The following VAV2 variants were observed in gnomAD, a reference collection of about 807,000 sequenced individuals.
VAV2 encodes the protein vav guanine nucleotide exchange factor 2.
Under a neutral mutation model 132.5 loss-of-function variants are expected in VAV2, and 67 were observed. The observed-to-expected ratio is 0.51, with a 90% confidence interval of 0.42 to 0.62. The LOEUF (loss-of-function observed/expected upper bound fraction) is 0.62. Among genes scored for constraint, VAV2 ranks in the 20% least tolerant of loss-of-function variants. The pLI is 0.00. For synonymous variants in VAV2, 492 were observed against 443.5 expected (o/e 1.11, Z -1.37); for missense variants, 938 against 1,153.6 (o/e 0.81, Z 2.71).
chr9:133,791,946 TGGGTG>T, intron 12 of VAV2, 77 bp from the exon 13 acceptor site: 1 of 376,092 alleles, frequency 2.7e-6, no homozygotes, highest in Non-Finnish European at 3.7e-6. Flanking sequence ...CAGGCTGTAC[TGGGTG>T]GGGTGTGTGT....
intron 2 of VAV2, among the ~76,000 whole-genome samples, chr9:133,923,734 A>G (rs1319571767): frequency 6.6e-6 from 1 of 152,242 alleles, no homozygotes; most frequent in African/African-American, 2.4e-5. Flanking sequence ...AGGACTTGGA[A>G]CCAACCCAAA....
At chr9:133,927,855 C>A (rs1343549258) in intron 2 of VAV2, 1 of 152,220 alleles carries the variant, frequency 6.6e-6, no homozygotes, top group Admixed American at 6.5e-5. Context: ...GCTCCCAGAG[C>A]TTGAACTCAG....
intron 3 of VAV2, among the ~76,000 whole-genome samples, chr9:133,859,931 C>T (rs1037033604): frequency 3.3e-5 from 5 of 152,262 alleles, no homozygotes; most frequent in East Asian, 1.9e-4. Context: ...TGCTGGGCAC[C>T]GGGGTTTTGA....
chr9:133,894,111 C>A (rs542334490), intron 2 of VAV2, among the ~76,000 whole-genome samples: 2 of 152,344 alleles, frequency 1.3e-5, no homozygotes, highest in South Asian at 4.1e-4. Flanking sequence ...GGAAGCTGCA[C>A]GGGTGAGACC....
chr9:133,837,667 C>A (rs1417865593), intron 3 of VAV2, among the ~76,000 whole-genome samples: 1 of 151,450 alleles, frequency 6.6e-6, no homozygotes, highest in South Asian at 2.1e-4. Context: ...CCATTTCACT[C>A]CAGCCTGGGT....
At chr9:133,812,523 G>A (rs1273192111) in intron 4 of VAV2, among the ~76,000 whole-genome samples, 12 of 152,202 alleles carry the variant, frequency 7.9e-5, no homozygotes, top group Non-Finnish European at 2.9e-5. Context: ...ACGTAGGCCA[G>A]AGGTCCAGGG....
intron 1 of VAV2, among the ~76,000 whole-genome samples, chr9:133,948,560 C>T (rs1411379457): frequency 6.9e-6 from 1 of 145,334 alleles, no homozygotes. Flanking sequence ...GCTCCCCCCA[C>T]CAAGAGCAAG....
intron 13 of VAV2, among the ~76,000 whole-genome samples, chr9:133,790,487 T>C (rs1834409554): frequency 6.6e-6 from 1 of 152,180 alleles, no homozygotes; most frequent in Non-Finnish European, 1.5e-5. Context: ...GTTCTTGCTG[T>C]TTAATGAACA....
rs1161893925 is a variant in VAV2, at chr9:133,819,273, T to C, written c.450-7057A>G. 2.0e-5 allele frequency among the ~76,000 whole-genome samples: 3 copies of C among 148,842 alleles called. No individual in the cohort carries two copies. In the East Asian group the frequency reaches 5.9e-4, roughly 29 times the overall value. On this transcript the variant is annotated intron_variant, in intron 4 of 29. Transcript: ENST00000371850. ...TCCTGGCTAACACAGTGAAACCCCGTCTCTACTAAAAAATACAAAAAAAAA... is the reference window on the plus strand; with the variant it reads ...TCCTGGCTAACACAGTGAAACCCCGCCTCTACTAAAAAATACAAAAAAAAA...
rs1357726522 is a variant in VAV2, at chr9:133,935,171, G to A, written c.321+3932C>T. On this transcript the variant is annotated intron_variant, in intron 2 of 29. Coordinates refer to ENST00000371850, the MANE Select transcript of VAV2 (RefSeq NM_001134398.2). This position sits in a 1 kb window ranked among gnomAD's most constrained non-coding sequence, Gnocchi z 5.2. ...ACGCAGCCATATCTTCATGGTCTGA[G>A]GTTGCTGGAGGCCGCCGAGCTCATT... 1.3e-5 allele frequency among the ~76,000 whole-genome samples: 2 copies of A among 152,212 alleles called. No individual in the cohort carries two copies. The highest frequency in any genetic ancestry group is 1.3e-4 in the Admixed American group (2 of 15,276).
chr9:133,786,657 C>G (rs1366132429), intron 16 of VAV2, among the ~76,000 whole-genome samples: 1 of 152,240 alleles, frequency 6.6e-6, no homozygotes, highest in African/African-American at 2.4e-5. Context: ...CCTGGGGCAC[C>G]CCCCGTGAAG....
intron 4 of VAV2, among the ~76,000 whole-genome samples, chr9:133,818,199 C>A (rs1029588967): frequency 6.6e-6 from 1 of 151,136 alleles, no homozygotes; most frequent in Non-Finnish European, 1.5e-5. Flanking sequence ...CCCGTCTCTA[C>A]TAAAAAAATA....
At chr9:133,985,268 GTGTGTGTTTTGT>G (rs1466786772) in intron 1 of VAV2, among the ~76,000 whole-genome samples, 2 of 135,936 alleles carry the variant, frequency 1.5e-5, no homozygotes, top group Admixed American at 7.2e-5. Context: ...GTGTGTGTGT[GTGTGTGTTTTGT>G]TTTTGTTTTT....
In VAV2 at chr9:133,827,213, C is replaced by T. The variant is rs567172760; in HGVS notation, c.449+7059G>A. On this transcript the variant is annotated intron_variant, in intron 4 of 29. Transcript: ENST00000371850. ...GGCTGACCACTGAGCATGGGCATCG[C>T]CAGCTACTGCTGTGCCCACTGGGGC... is the stretch of plus-strand genomic sequence containing the variant. 3.0e-5 allele frequency among the ~76,000 whole-genome samples: 4 copies of T among 133,966 alleles called. No individual in the cohort carries two copies. In the South Asian group the frequency reaches 9.8e-4, roughly 33 times the overall value. 87.9% of individuals were successfully genotyped at this position (133,966 alleles called of 152,430 possible).
intron 2 of VAV2, among the ~76,000 whole-genome samples, chr9:133,937,491 A>AGT (rs1554813182): frequency 7.2e-5 from 2 of 27,662 alleles, no homozygotes; most frequent in Non-Finnish European, 1.8e-4. Flanking sequence ...GGTGGGTGCA[A>AGT]GAGTGTGTGC....
chr9:133,968,619 G>A (rs1415057949), intron 1 of VAV2, among the ~76,000 whole-genome samples: 4 of 152,164 alleles, frequency 2.6e-5, no homozygotes, highest in African/African-American at 4.8e-5. Flanking sequence ...TACACGACCC[G>A]GGCTCTGGGG....
Position 133,792,477 on chromosome 9 carries a change from TTGTG to T in VAV2, c.1102-612_1102-609del, listed in dbSNP as rs1036405898. ...AGGGTGTGTGTGATTGTGTGTGTGATTGTGTGAGCAGGTTATGCTGAGTGGGGTG... is the reference window on the plus strand; with the variant it reads ...AGGGTGTGTGTGATTGTGTGTGTGATTGAGCAGGTTATGCTGAGTGGGGTG... On this transcript the variant is annotated intron_variant, in intron 12 of 29. Transcript: ENST00000371850. Among the ~76,000 whole-genome samples the T allele has an allele frequency of 8.8e-5, 8 of 91,326 alleles. No individual in the cohort carries two copies. In the East Asian group the frequency reaches 1.2e-3, roughly 14 times the overall value. 59.9% of individuals were successfully genotyped at this position (91,326 alleles called of 152,430 possible).
intron 1 of VAV2, among the ~76,000 whole-genome samples, chr9:133,942,776 G>A (rs1172279201): frequency 6.6e-6 from 1 of 152,070 alleles, no homozygotes; most frequent in East Asian, 1.9e-4. Flanking sequence ...TGGCCACTCT[G>A]GCCACCCTAA....
chr9:133,897,342 C>T (rs915696475), intron 2 of VAV2, among the ~76,000 whole-genome samples: 1 of 152,140 alleles, frequency 6.6e-6, no homozygotes, highest in African/African-American at 2.4e-5. Flanking sequence ...CAGCACAGGG[C>T]ACACCCAGGT....
Sources: allele counts gnomAD v4.1 joint callset (sites outside exome capture counted in the v4.1 genomes callset), GRCh38; gene constraint gnomAD v4.1.1; non-coding constraint Gnocchi (gnomAD v3.1); transcripts MANE v1.5; gene names NCBI Gene and HGNC (gene_info 2026-07-23, HGNC 2026-07-21).